Variants in GUF1 observed in about 807,000 individuals in gnomAD.
GUF1 encodes the protein translation factor GUF1, mitochondrial.
In GUF1, 78 loss-of-function variants were observed where a neutral mutation model predicts 82.4. The ratio of observed to expected loss-of-function variants is 0.95; its 90% CI spans 0.79 to 1.14. The LOEUF is 1.14. GUF1 is among the 50% of genes most tolerant of loss of function. GUF1 has a pLI of 0.00. For synonymous variants in GUF1, 279 were observed against 282.3 expected (o/e 0.99, Z 0.12); for missense variants, 814 against 798.2 (o/e 1.02, Z -0.24).
intron 15 of GUF1, 74 bp downstream of exon 15, chr4:44,695,808 C>A: frequency 7.0e-7 from 1 of 1,431,714 alleles, no homozygotes; most frequent in Non-Finnish European, 9.6e-7. Flanking sequence ...GAATATTGAA[C>A]ATTTTAATTT....
chr4:44,689,758 T>G, intron 10 of GUF1, 85 bp from the exon 11 acceptor site: 1 of 1,152,982 alleles, frequency 8.7e-7, no homozygotes, highest in Non-Finnish European at 1.2e-6. Flanking sequence ...ATCCCTCCCT[T>G]AAAGTAACAA....
chr4:44,691,550 TC>T (rs1715443302), intron 12 of GUF1, 115 bp from the exon 13 acceptor site: 1 of 720,132 alleles, frequency 1.4e-6, no homozygotes, highest in African/African-American at 1.9e-5. Context: ...ATAAAATGTT[TC>T]TCTCTGGATT....
At chr4:44,697,353 G>A (rs572321332) in intron 15 of GUF1, 55 bp from the exon 16 acceptor site, 4 of 1,054,016 alleles carry the variant, frequency 3.8e-6, no homozygotes, top group East Asian at 2.6e-5. Flanking sequence ...GTAAGGAAGT[G>A]CTTTTAAACA....
chr4:44,679,264 G>C (rs1714627985), intron 1 of GUF1, among the ~76,000 whole-genome samples: 1 of 152,126 alleles, frequency 6.6e-6, no homozygotes, highest in Non-Finnish European at 1.5e-5. Flanking sequence ...TGTGAGAAGT[G>C]GACTTTTTTA....
rs1715993390 is a variant in GUF1 at position 44,698,529 on chromosome 4, T to C, written c.1873-15T>C. On this transcript the variant is annotated splice_polypyrimidine_tract_variant and intron_variant, in intron 16 of 16. Transcript: ENST00000281543. ...AGAGTGACTTAGACTTCCAATGTTT[T>C]AAAATATTTTTCAGTATGGTGGTGA... The C allele has an allele frequency of 6.4e-7, 1 of 1,572,702 alleles. No individual in the cohort carries two copies.
Position 44,699,368 on chromosome 4 carries a change from G to C in GUF1, c.*687G>C, listed in dbSNP as rs1294912613. On this transcript the variant is annotated 3_prime_UTR_variant, in exon 17 of 17. Coordinates refer to ENST00000281543, the MANE Select transcript of GUF1 (RefSeq NM_021927.3). ...CGGCTAATTTTTTGTATCTTTAGTA[G>C]AGTCGGGGTTTCACCATGTTGGCCA... The C allele has an allele frequency of 6.6e-6, 1 of 152,162 alleles. No individual in the cohort carries two copies. The highest frequency in any genetic ancestry group is 1.9e-4 in the East Asian group (1 of 5,160). The allele number at this position is 152,162 out of a possible 1,614,324, so 9.4% of individuals were successfully genotyped here.
chr4:44,680,013 A>G (rs1714670914), intron 1 of GUF1, among the ~76,000 whole-genome samples: 1 of 152,180 alleles, frequency 6.6e-6, no homozygotes, highest in Non-Finnish European at 1.5e-5. Context: ...AGAGACACAG[A>G]TTTTTAAATA....
At chr4:44,684,580 GA>G (rs1373502567) in intron 6 of GUF1, among the ~76,000 whole-genome samples, 3 of 152,064 alleles carry the variant, frequency 2.0e-5, no homozygotes, top group Non-Finnish European at 4.4e-5. Context: ...AGAGGTATAA[GA>G]AGAGATACAG....
intron 9 of GUF1, among the ~76,000 whole-genome samples, chr4:44,688,519 ACTTT>A (rs1236711964): frequency 2.6e-5 from 4 of 151,914 alleles, no homozygotes; most frequent in Non-Finnish European, 4.4e-5. Context: ...TCTTCGATAG[ACTTT>A]CTTTAATATT....
At chr4:44,684,234 T>A (rs1714926155) in intron 6 of GUF1, among the ~76,000 whole-genome samples, 1 of 151,758 alleles carries the variant, frequency 6.6e-6, no homozygotes, top group African/African-American at 2.4e-5. Flanking sequence ...CAGTGAAAAG[T>A]CTTTTTTCTT....
chr4:44,686,781 C>G, intron 8 of GUF1, 68 bp downstream of exon 8: 2 of 1,033,294 alleles, frequency 1.9e-6, no homozygotes, highest in South Asian at 1.3e-5. Flanking sequence ...TTTTTCTCAA[C>G]TTGGTATGCT....
intron 6 of GUF1, among the ~76,000 whole-genome samples, chr4:44,685,047 G>C (rs976395994): frequency 9.2e-5 from 14 of 152,266 alleles, no homozygotes; most frequent in Non-Finnish European, 1.8e-4. Flanking sequence ...GTAAATGATG[G>C]ATCTTGGAGT....
In GUF1 at chr4:44,686,594, A is replaced by G. The variant is rs1315501805; in HGVS notation, c.819A>G (p.Val273=). Residue 273 remains valine, a synonymous_variant, in exon 8 of 17, where the codon GTA becomes GTG. Transcript: ENST00000281543. ...FDQYRGVIAN[V]ALFDGVVSKG... ...AGTATAGAGGTGTGATAGCCAATGTAGCATTATTTGACGGAGTGGTTTCCA... is the reference window on the plus strand; with the variant it reads ...AGTATAGAGGTGTGATAGCCAATGTGGCATTATTTGACGGAGTGGTTTCCA... 1.9e-5 allele frequency: 31 copies of G among 1,612,228 alleles called. No homozygotes were observed. The highest frequency in any genetic ancestry group is 2.5e-5 in the Non-Finnish European group (29 of 1,178,672).
In GUF1 at chr4:44,683,338, A is replaced by T; in HGVS notation, c.669+20A>T. Reference sequence around the variant, plus strand: ...ATTAAGGTAAAATACGTTCCTAAAAAGATTATACTTTGAAAAAAGTCTCAA... The same window carrying T: ...ATTAAGGTAAAATACGTTCCTAAAATGATTATACTTTGAAAAAAGTCTCAA... On this transcript the variant is annotated intron_variant, in intron 6 of 16. Coordinates refer to ENST00000281543, the MANE Select transcript of GUF1 (RefSeq NM_021927.3). 7.2e-7 allele frequency: 1 copy of T among 1,386,976 alleles called. No homozygotes were observed. Among genetic ancestry groups the T allele is most frequent in the Middle Eastern group, 1.8e-4 (1 of 5,490 alleles). 85.9% of individuals were successfully genotyped at this position (1,386,976 alleles called of 1,614,324 possible).
Position 44,690,730 on chromosome 4 carries a change from A to G in GUF1, c.1349A>G (p.Lys450Arg). Residue 450 changes from lysine to arginine, a missense_variant, in exon 12 of 17, where the codon AAA becomes AGA. Lys to Arg is a conservative substitution (Grantham distance 26). Transcript: ENST00000281543. ...TCTAATTTTTAGGAACATAGAGAAA[A>G]AGAAATTACAATTATCAATCCTGCA... ...SSKLIKEHREKEITIINPAQF... is the reference protein window; with the variant it reads ...SSKLIKEHREREITIINPAQF... 1 of 1,557,390 alleles carries G rather than the reference A, an allele frequency of 6.4e-7. No homozygotes were observed. Among genetic ancestry groups the G allele is most frequent in the Non-Finnish European group, 8.8e-7 (1 of 1,139,294 alleles).
chr4:44,695,141 G>A (rs941138357), intron 14 of GUF1, among the ~76,000 whole-genome samples: 2 of 152,128 alleles, frequency 1.3e-5, no homozygotes, highest in African/African-American at 4.8e-5. Flanking sequence ...AAACCCCCAC[G>A]TGTTCAAGAA....
rs527422404 is a variant in GUF1, at chr4:44,681,526, C to A, written c.507+323C>A. Among the ~76,000 whole-genome samples the A allele has an allele frequency of 2.6e-5, 4 of 152,076 alleles. No homozygotes were observed. The South Asian group carries it at 6.2e-4, about 24-fold the overall frequency. On this transcript the variant is annotated intron_variant, in intron 4 of 16. Transcript: ENST00000281543. ...AGTTCTTAATCTGAGGTTTCTATATCCATTTTTAGCAGATCTTAAGAATAA... is the reference window on the plus strand; with the variant it reads ...AGTTCTTAATCTGAGGTTTCTATATACATTTTTAGCAGATCTTAAGAATAA...
At chr4:44,685,862 A>ATTT in intron 6 of GUF1, 97 bp from the exon 7 acceptor site, 1 of 735,866 alleles carries the variant, frequency 1.4e-6, no homozygotes, top group Non-Finnish European at 2.3e-6. Context: ...AACTATTGGA[A>ATTT]TTTTTTTTTC....
chr4:44,695,274 C>T (rs1022563793), intron 14 of GUF1, among the ~76,000 whole-genome samples: 2 of 151,960 alleles, frequency 1.3e-5, no homozygotes, highest in Non-Finnish European at 2.9e-5. Flanking sequence ...TAGAATATAT[C>T]GTAAACACTG....
Sources: gnomAD v4.1 joint callset for allele counts (sites outside exome capture counted in the v4.1 genomes callset) on GRCh38, gnomAD v4.1.1 for gene constraint, MANE v1.5 for transcripts, NCBI Gene and HGNC (gene_info 2026-07-23, HGNC 2026-07-21) for gene names.